The following TENM2 variants were observed in gnomAD, a reference collection of about 807,000 sequenced individuals.
The protein encoded by TENM2 is teneurin-2.
A neutral mutation model predicts 245.2 loss-of-function variants in TENM2; 52 were observed. That is an observed-to-expected ratio of 0.21 (90% CI 0.17 to 0.27). TENM2 has a LOEUF of 0.27. Ranked by LOEUF, TENM2 falls within the 10% of genes least tolerant of loss-of-function variation. The probability of loss-of-function intolerance (pLI) is 1.00; values close to 1 mark genes in which losing one functional copy is unlikely to be tolerated. For synonymous variants in TENM2, 1,363 were observed against 1,438.9 expected (o/e 0.95, Z 1.19); for missense variants, 3,046 against 3,666.8 (o/e 0.83, Z 4.37).
chr5:168,123,495 GAAAAC>G (rs1255037163), intron 10 of TENM2, among the ~76,000 whole-genome samples: 1 of 152,188 alleles, frequency 6.6e-6, no homozygotes, highest in African/African-American at 2.4e-5. Flanking sequence ...TGGAAGGAGA[GAAAAC>G]AAAATTTTCT....
intron 5 of TENM2, among the ~76,000 whole-genome samples, chr5:168,024,465 G>T (rs563881956): frequency 6.6e-6 from 1 of 152,202 alleles, no homozygotes. Context: ...GTGAAATTCA[G>T]TTGGGGAGTT....
At chr5:168,002,056 G>GA (rs1246923347) in intron 5 of TENM2, among the ~76,000 whole-genome samples, 3 of 152,138 alleles carry the variant, frequency 2.0e-5, no homozygotes, top group African/African-American at 4.8e-5. Context: ...CTGGGAAAGA[G>GA]AAAAAAATTA....
chr5:167,348,243 G>A (rs1160398496), intron 1 of TENM2, among the ~76,000 whole-genome samples: 1 of 152,204 alleles, frequency 6.6e-6, no homozygotes, highest in Non-Finnish European at 1.5e-5. Flanking sequence ...TTGCAGCTCT[G>A]TTTGGGAATC....
intron 4 of TENM2, among the ~76,000 whole-genome samples, chr5:167,961,157 G>A (rs1186938465): frequency 6.6e-6 from 1 of 152,234 alleles, no homozygotes; most frequent in Non-Finnish European, 1.5e-5. Flanking sequence ...CATCTTGCCA[G>A]CCAGCAGAAT....
chr5:167,007,924 C>G, the TENM2 span, among the ~76,000 whole-genome samples: 3 of 152,088 alleles, frequency 2.0e-5, no homozygotes, highest in Non-Finnish European at 4.4e-5. The surrounding 1 kb of genome is among the most constrained non-coding windows in gnomAD (Gnocchi z 4.2). Context: ...GTGCAGGGCT[C>G]TATCTGGGAT....
intron 3 of TENM2, among the ~76,000 whole-genome samples, chr5:167,911,506 G>T (rs941917997): frequency 6.6e-6 from 1 of 152,180 alleles, no homozygotes; most frequent in African/African-American, 2.4e-5. Flanking sequence ...CAGCCTGGGC[G>T]ACAGAGCGAG....
At chr5:167,729,873 G>A (rs938293813) in intron 2 of TENM2, among the ~76,000 whole-genome samples, 2 of 152,210 alleles carry the variant, frequency 1.3e-5, no homozygotes, top group South Asian at 2.1e-4. Flanking sequence ...ACCAGACCGT[G>A]AGCACTTGTT....
In TENM2 at chr5:168,020,173, TC is replaced by T. The variant is rs532259107; in HGVS notation, c.1186+26996del. The stretch of plus-strand genomic sequence containing the variant: ...AATATCAGTCAAGTTCATTTAGACC[TC>T]CCCCGACCCAAATATATACTTGCCA... On this transcript the variant is annotated intron_variant, in intron 5 of 28. Coordinates refer to ENST00000518659, the Ensembl canonical transcript of TENM2. 2.3e-3 allele frequency among the ~76,000 whole-genome samples: 353 copies of T among 152,162 alleles called. 4 individuals are homozygous for T. The highest frequency in any genetic ancestry group is 7.9e-3 in the African/African-American group (327 of 41,510).
intron 2 of TENM2, among the ~76,000 whole-genome samples, chr5:167,672,688 C>T (rs530879672): frequency 2.6e-5 from 4 of 151,970 alleles, no homozygotes; most frequent in East Asian, 1.9e-4. Context: ...GGTGTTAACG[C>T]GGTGGATTCC....
At chr5:167,615,957 C>T (rs1208172704) in intron 2 of TENM2, among the ~76,000 whole-genome samples, 2 of 152,156 alleles carry the variant, frequency 1.3e-5, no homozygotes, top group African/African-American at 4.8e-5. Context: ...TTTAAATGCT[C>T]ATTCAAGAAT....
chr5:167,147,633 A>C, the TENM2 span, among the ~76,000 whole-genome samples: 1 of 152,166 alleles, frequency 6.6e-6, no homozygotes, highest in East Asian at 1.9e-4. Flanking sequence ...TTATATATAC[A>C]TTGTTCTTTC....
At chr5:168,083,669 GT>G (rs34472305) in intron 7 of TENM2, among the ~76,000 whole-genome samples, 4 of 151,578 alleles carry the variant, frequency 2.6e-5, no homozygotes, top group East Asian at 3.9e-4. Flanking sequence ...TCAGTAGCAA[GT>G]TTTTTTTTCA....
exon 3 of TENM2, chr5:167,876,011 G>C (rs755432586): frequency 4.6e-5 from 71 of 1,550,580 alleles, no homozygotes; most frequent in Non-Finnish European, 5.9e-5. Flanking sequence ...CTACATCCTC[G>C]CCTAGTCTCC....
intron 2 of TENM2, among the ~76,000 whole-genome samples, chr5:167,491,110 T>C (rs1582191223): frequency 6.6e-6 from 1 of 152,314 alleles, no homozygotes; most frequent in South Asian, 2.1e-4. Flanking sequence ...TGGAATCTCA[T>C]GTACTGAGAT....
intron 5 of TENM2, among the ~76,000 whole-genome samples, chr5:168,006,084 G>A (rs1784798196): frequency 6.6e-6 from 1 of 152,188 alleles, no homozygotes; most frequent in East Asian, 1.9e-4. Context: ...TGGGCAGTTA[G>A]GAAAATCCTC....
intron 2 of TENM2, among the ~76,000 whole-genome samples, chr5:167,640,842 C>CATATATATATATATCCAT (rs1561628529): frequency 5.3e-5 from 4 of 75,488 alleles, no homozygotes; most frequent in African/African-American, 1.6e-4. Context: ...TATATATATC[C>CATATATATATATATCCAT]ATATATATAT....
intron 2 of TENM2, among the ~76,000 whole-genome samples, chr5:167,512,026 A>AGCACATGTG (rs1769989564): frequency 6.6e-6 from 1 of 152,178 alleles, no homozygotes; most frequent in African/African-American, 2.4e-5. Context: ...GAGTTGTGTG[A>AGCACATGTG]TGTTCCGTTT....
chr5:167,608,784 A>C (rs1013988811), intron 2 of TENM2, among the ~76,000 whole-genome samples: 3 of 152,196 alleles, frequency 2.0e-5, no homozygotes, highest in African/African-American at 7.2e-5. Flanking sequence ...GTGTTTCCTG[A>C]AAATGCTTTT....
intron 13 of TENM2, among the ~76,000 whole-genome samples, chr5:168,181,000 T>C (rs955266741): frequency 2.6e-5 from 4 of 151,938 alleles, no homozygotes; most frequent in Non-Finnish European, 5.9e-5. Flanking sequence ...CCGGAGCAGG[T>C]AGTCAGGGAG....
Sources: gnomAD v4.1 joint callset for allele counts (sites outside exome capture counted in the v4.1 genomes callset) on GRCh38, gnomAD v4.1.1 for gene constraint, Gnocchi (gnomAD v3.1) non-coding constraint, MANE v1.5 for transcripts, NCBI Gene and HGNC (gene_info 2026-07-23, HGNC 2026-07-21) for gene names.